Variants in AGAP6 observed in about 807,000 individuals in gnomAD.
AGAP6 encodes the protein arf-GAP with GTPase, ANK repeat and PH domain-containing protein 6.
In AGAP6, 29 loss-of-function variants were observed where a neutral mutation model predicts 63.9. That is an observed-to-expected ratio of 0.45 (90% confidence interval 0.34 to 0.62). The LOEUF (loss-of-function observed/expected upper bound fraction) is 0.62. Among genes scored for constraint, AGAP6 ranks in the 20% least tolerant of loss-of-function variants. The pLI is 0.01. For synonymous variants in AGAP6, 199 were observed against 332.9 expected, an observed-to-expected ratio of 0.60 and a Z score of 4.38; for missense variants, 493 against 884.9, an observed-to-expected ratio of 0.56 and a Z score of 5.62.
chr10:49,991,391 T>G lies in AGAP6; in HGVS notation c.293-285T>G, dbSNP rs534804311. Reference sequence around the variant, plus strand: ...CCAAAATTTACCTCTTCTGTTTTTTTTTTTTTTTTTTTTTAATAAAGGAGG... The same window carrying G: ...CCAAAATTTACCTCTTCTGTTTTTTGTTTTTTTTTTTTTTAATAAAGGAGG... On this transcript the variant is annotated intron_variant, in intron 2 of 7. Transcript: ENST00000412531. Among the ~76,000 whole-genome samples, 1,184 of 149,170 alleles carry G rather than the reference T, an allele frequency of 7.9e-3. 11 individuals are homozygous for G. The highest frequency in any genetic ancestry group is 0.027 in the African/African-American group (1,111 of 40,526).
At chr10:50,007,392 CAAAAAAAAAAAAAAAAAA>C (rs782611919) in intron 6 of AGAP6, among the ~76,000 whole-genome samples, 1 of 8,584 alleles carries the variant, frequency 1.2e-4, no homozygotes, top group African/African-American at 3.1e-4. Flanking sequence ...AACTTGGTCT[CAAAAAAAAAAAAAAAAAA>C]AAAAAAAAGA....
intron 4 of AGAP6, among the ~76,000 whole-genome samples, chr10:49,998,258 C>T (rs1323423189): frequency 8.8e-6 from 1 of 113,156 alleles, no homozygotes; most frequent in African/African-American, 3.5e-5. Flanking sequence ...GTTGCATTTG[C>T]TTTTGTGTTC....
At chr10:49,994,484 T>C in intron 4 of AGAP6, 55 bp downstream of exon 4, 2 of 1,507,932 alleles carry the variant, frequency 1.3e-6, no homozygotes, top group Non-Finnish European at 1.8e-6. Flanking sequence ...AAAGGATGTC[T>C]CTCTTGATTT....
chr10:50,005,084 C>T (rs1554863632), intron 6 of AGAP6, among the ~76,000 whole-genome samples: 1 of 152,164 alleles, frequency 6.6e-6, no homozygotes, highest in Non-Finnish European at 1.5e-5. Flanking sequence ...TAGCGGTATT[C>T]ATGGCCTCTA....
intron 6 of AGAP6, among the ~76,000 whole-genome samples, chr10:50,007,225 C>G (rs1440106062): frequency 2.0e-5 from 3 of 148,230 alleles, no homozygotes; most frequent in South Asian, 2.2e-4. Flanking sequence ...AACCACATCT[C>G]TACTAAAAAT....
In AGAP6 at chr10:49,988,833, A is replaced by C. The variant is rs1841145330; in HGVS notation, c.118A>C (p.Met40Leu). The change falls in exon 1 of 8, where the codon ATG becomes CTG. Residue 40 changes from methionine to leucine, a missense_variant. Transcript: ENST00000412531. ...CTATGAGGCAGGAGCTAGGGACAGG[A>C]TGGCAGGAGCGCCCATGGCTGCTGC... ...ETYEAGARDR[M>L]AGAPMAAAVQ... 1 of 1,548,970 alleles carries C rather than the reference A, an allele frequency of 6.5e-7. No individual in the cohort carries two copies. The highest frequency in any genetic ancestry group is 1.7e-5 in the Admixed American group (1 of 58,380).
chr10:50,009,957 C>T lies in AGAP6; in HGVS notation c.1832C>T (p.Ser611Phe). 5 of 1,612,250 alleles carry T rather than the reference C, an allele frequency of 3.1e-6. No homozygotes were observed. Among genetic ancestry groups the T allele is most frequent in the South Asian group, 1.1e-5 (1 of 91,002 alleles). ...QTAILLLAHG[S>F]CEEVNETCGE... ...GCCATCCTGCTGCTGGCACATGGCT[C>T]CTGTGAGGAGGTGAACGAGACCTGT... Residue 611 changes from serine (S) to phenylalanine (F), a missense_variant, in exon 8 of 8, where the codon TCC (serine) becomes TTC (phenylalanine). By Grantham distance (155) the Ser-to-Phe change is radical (BLOSUM62 -2). Coordinates refer to ENST00000412531, the MANE Select transcript of AGAP6 (RefSeq NM_001077665.3).
In AGAP6 at chr10:49,988,745, C is replaced by T. The variant is rs1405394140; in HGVS notation, c.30C>T (p.His10=). Residue 10 remains histidine (H), a synonymous_variant, in exon 1 of 8, where the codon CAC becomes CAT. Coordinates refer to ENST00000412531, the MANE Select transcript of AGAP6 (RefSeq NM_001077665.3). ...GGAACATACTGACCTGTCGTGTGCACCCTAGCGTCAGCCTCGAGTTTGACC... is the reference window on the plus strand; with the variant it reads ...GGAACATACTGACCTGTCGTGTGCATCCTAGCGTCAGCCTCGAGTTTGACC... MGNILTCRV[H]PSVSLEFDQQ... is the part of the protein sequence containing the mutation. 6.3e-7 allele frequency: 1 copy of T among 1,591,798 alleles called. No individual in the cohort carries two copies. The highest frequency in any genetic ancestry group is 1.3e-5 in the African/African-American group (1 of 74,428).
chr10:49,996,197 C>G (rs145925681), intron 4 of AGAP6, among the ~76,000 whole-genome samples: 11,040 of 152,020 alleles, frequency 0.073, 576 homozygotes, highest in African/African-American at 0.13. Context: ...ACTTTATCCT[C>G]TACTATTTCT....
At chr10:50,005,225 G>A (rs547261003) in intron 6 of AGAP6, among the ~76,000 whole-genome samples, 1 of 152,320 alleles carries the variant, frequency 6.6e-6, no homozygotes, top group South Asian at 2.1e-4. Context: ...AGTAAAAAGT[G>A]CGTCATGTAT....
rs1842066976 is a variant in AGAP6 at position 50,010,342 on chromosome 10, C to A, written c.*156C>A. The A allele has an allele frequency of 7.0e-7, 1 of 1,422,214 alleles. No individual in the cohort carries two copies. The highest frequency in any genetic ancestry group is 1.4e-5 in the African/African-American group (1 of 72,352). 88.1% of individuals were successfully genotyped at this position (1,422,214 alleles called of 1,614,324 possible). A position where few individuals can be genotyped will look rare whatever the true frequency, so the allele number is the denominator to read the frequency against. On this transcript the variant is annotated 3_prime_UTR_variant, in exon 8 of 8. Coordinates refer to ENST00000412531, the MANE Select transcript of AGAP6 (RefSeq NM_001077665.3). ...GTAAATACACAAAATGTTGATTTTT[C>A]TGACCATAAGACGTATTTTATGTCC...
At chr10:49,991,110 G>A (rs1362408075) in intron 2 of AGAP6, among the ~76,000 whole-genome samples, 1 of 152,072 alleles carries the variant, frequency 6.6e-6, no homozygotes, top group African/African-American at 2.4e-5. Flanking sequence ...GCCTGTGTAT[G>A]TTCTCCCTAT....
chr10:50,009,716 G>T lies in AGAP6; in HGVS notation c.1591G>T (p.Val531Phe). ...TGACTGGCCAGTTGAGCTCAGGAAGGTTATGTCATCTATTGTCAATGACCT... is the reference window on the plus strand; with the variant it reads ...TGACTGGCCAGTTGAGCTCAGGAAGTTTATGTCATCTATTGTCAATGACCT... ...LDDWPVELRK[V>F]MSSIVNDLAN... The change falls in exon 8 of 8, where the codon GTT (valine) becomes TTT (phenylalanine). Residue 531 changes from valine (V) to phenylalanine (F), a missense_variant. Coordinates refer to ENST00000412531, the MANE Select transcript of AGAP6 (RefSeq NM_001077665.3). 6.2e-7 allele frequency: 1 copy of T among 1,614,208 alleles called. No individual in the cohort carries two copies. The highest frequency in any genetic ancestry group is 8.5e-7 in the Non-Finnish European group (1 of 1,180,040).
In AGAP6 at chr10:50,009,361, G is replaced by A. The variant is rs1554864957; in HGVS notation, c.1236G>A (p.Met412Ile). 1 of 1,614,212 alleles carries A rather than the reference G, an allele frequency of 6.2e-7. No homozygotes were observed. The highest frequency in any genetic ancestry group is 1.7e-5 in the Admixed American group (1 of 60,030). The change falls in exon 8 of 8, where the codon ATG becomes ATA. Residue 412 changes from methionine to isoleucine, a missense_variant. Coordinates refer to ENST00000412531, the MANE Select transcript of AGAP6 (RefSeq NM_001077665.3). ...AGAAGAAAAGCACCAACAACTTTAT[G>A]ATTGTGTCTGCCACTGGCCAAACGT... ...HLKKKSTNNFMIVSATGQTWH... is the reference protein window; with the variant it reads ...HLKKKSTNNFIIVSATGQTWH...
chr10:49,995,996 A>G (rs1476140719), intron 4 of AGAP6, among the ~76,000 whole-genome samples: 1 of 151,984 alleles, frequency 6.6e-6, no homozygotes, highest in East Asian at 1.9e-4. Flanking sequence ...TTTTCATTTT[A>G]TTGAGGCTAC....
chr10:49,993,352 C>T (rs1589086219), intron 3 of AGAP6, among the ~76,000 whole-genome samples: 1 of 152,142 alleles, frequency 6.6e-6, no homozygotes, highest in Non-Finnish European at 1.5e-5. Flanking sequence ...GTGGTAGGAG[C>T]TTTTGCCTAC....
At chr10:49,994,922 A>T (rs1841427529) in intron 4 of AGAP6, among the ~76,000 whole-genome samples, 1 of 148,170 alleles carries the variant, frequency 6.7e-6, no homozygotes, top group Non-Finnish European at 1.5e-5. Context: ...AGATCGCGCC[A>T]TTGCACTCCA....
At chr10:49,997,319 G>C (rs201527608) in intron 4 of AGAP6, among the ~76,000 whole-genome samples, 26,104 of 151,244 alleles carry the variant, frequency 0.17, 2,745 homozygotes, top group East Asian at 0.32. Context: ...CATAGCAAGA[G>C]CTCATGTCTA....
chr10:49,989,514 C>G (rs1285012967), intron 2 of AGAP6, 138 bp downstream of exon 2: 2 of 1,419,722 alleles, frequency 1.4e-6, no homozygotes, highest in African/African-American at 2.9e-5. Context: ...TTTCTTTGTA[C>G]CTATCCAGAT....
Sources: gnomAD v4.1 joint callset for allele counts (sites outside exome capture counted in the v4.1 genomes callset) on GRCh38, gnomAD v4.1.1 for gene constraint, MANE v1.5 for transcripts, NCBI Gene and HGNC (gene_info 2026-07-23, HGNC 2026-07-21) for gene names.